The following EVI5 variants were observed in gnomAD, a reference collection of about 807,000 sequenced individuals.
The protein encoded by EVI5 is ecotropic viral integration site 5 protein homolog.
A neutral mutation model predicts 112.0 loss-of-function variants in EVI5; 73 were observed. That is an observed-to-expected ratio of 0.65 (90% CI 0.54 to 0.79). EVI5 has a LOEUF of 0.79. Among genes scored for constraint, EVI5 ranks in the 30% least tolerant of loss-of-function variants. The pLI is 0.00. For missense variants in EVI5, 900 were observed against 968.8 expected, an observed-to-expected ratio of 0.93 and a Z score of 0.94; for synonymous variants, 305 against 319.9, an observed-to-expected ratio of 0.95 and a Z score of 0.50.
At chr1:92,777,232 C>T (rs1040117584) in intron 1 of EVI5, among the ~76,000 whole-genome samples, 1 of 152,222 alleles carries the variant, frequency 6.6e-6, no homozygotes, top group African/African-American at 2.4e-5. Context: ...GCCACCACCA[C>T]GCCCGGCCCA....
At chr1:92,741,510 T>C (rs1208216679) in intron 1 of EVI5, among the ~76,000 whole-genome samples, 1 of 152,302 alleles carries the variant, frequency 6.6e-6, no homozygotes, top group East Asian at 1.9e-4. Flanking sequence ...AGGATATTAT[T>C]ACATAACAAA....
At position 92,749,774 on chromosome 1, in the gene EVI5, G is replaced by A. The variant is rs187714774; in HGVS notation, c.-81-13147C>T. ...AAATAATGTACTTTGCCAAGCATTC[G>A]AAGAGTCACTAAAATGTAGATCCAA... On this transcript the variant is annotated intron_variant, in intron 1 of 19. Coordinates refer to ENST00000684568, the MANE Select transcript of EVI5 (RefSeq NM_001350197.2). 9.9e-4 allele frequency among the ~76,000 whole-genome samples: 151 copies of A among 152,198 alleles called. 1 individual carries two copies. In the South Asian group the frequency reaches 0.017, roughly 17 times the overall value.
At chr1:92,607,437 A>AAACAAGTTTC in intron 17 of EVI5, 144 bp downstream of exon 17, 2 of 553,336 alleles carry the variant, frequency 3.6e-6, no homozygotes, top group Non-Finnish European at 5.9e-6. Context: ...TCTGAAAGCA[A>AAACAAGTTTC]CTACCAAAAC....
intron 2 of EVI5, among the ~76,000 whole-genome samples, chr1:92,705,408 C>T (rs769966505): frequency 9.2e-5 from 14 of 152,164 alleles, no homozygotes; most frequent in Non-Finnish European, 1.8e-4. Context: ...TATTCCTGCA[C>T]AGTAAGAACA....
At chr1:92,554,276 T>C (rs1181092667) in intron 19 of EVI5, among the ~76,000 whole-genome samples, 2 of 152,234 alleles carry the variant, frequency 1.3e-5, no homozygotes, top group East Asian at 3.8e-4. Context: ...CAAATGCTTA[T>C]AGAACTCCTA....
chr1:92,736,073 A>G (rs747785446), intron 2 of EVI5, among the ~76,000 whole-genome samples: 3 of 151,686 alleles, frequency 2.0e-5, no homozygotes, highest in Non-Finnish European at 4.4e-5. Flanking sequence ...GGATTAAATT[A>G]TTTTATGCTT....
chr1:92,623,862 T>C (rs903556594), intron 16 of EVI5, among the ~76,000 whole-genome samples: 1 of 152,216 alleles, frequency 6.6e-6, no homozygotes, highest in Non-Finnish European at 1.5e-5. Context: ...ATGTTAAAAG[T>C]GTTGAGGTTG....
chr1:92,637,147 G>A (rs1389115496), intron 13 of EVI5, among the ~76,000 whole-genome samples: 1 of 152,140 alleles, frequency 6.6e-6, no homozygotes, highest in Non-Finnish European at 1.5e-5. Flanking sequence ...GGAGGCCGAG[G>A]CGGGTGGATC....
Position 92,703,932 on chromosome 1 carries a change from C to CAAA in EVI5, c.340-316_340-314dup, listed in dbSNP as rs57830016. On this transcript the variant is annotated intron_variant, in intron 3 of 19. Transcript: ENST00000684568. ...CCAACATTCAAAGGGCTGTTGAAGG[C>CAAA]AAAAAAAAAAAAAAAAAGGAAAATA... The CAAA allele has an allele frequency of 4.7e-3, 387 of 81,986 alleles. 42 individuals carry two copies. In the East Asian group the frequency reaches 0.098, roughly 21 times the overall value. 5.1% of individuals were successfully genotyped at this position (81,986 alleles called of 1,614,324 possible). A position where few individuals can be genotyped will look rare whatever the true frequency, so the allele number is the denominator to read the frequency against.
chr1:92,630,883 A>G (rs113128535), intron 14 of EVI5, among the ~76,000 whole-genome samples: 22 of 152,210 alleles, frequency 1.4e-4, no homozygotes, highest in Admixed American at 1.1e-3. Flanking sequence ...AGCTTTCTAT[A>G]TATGGCTAGC....
At chr1:92,625,991 A>AC in intron 14 of EVI5, 57 bp from the exon 15 acceptor site, 1 of 1,056,126 alleles carries the variant, frequency 9.5e-7, no homozygotes, top group Non-Finnish European at 1.5e-6. Flanking sequence ...AAAATACAGC[A>AC]CACACAACAG....
At chr1:92,722,482 C>A (rs907200862) in intron 2 of EVI5, among the ~76,000 whole-genome samples, 2 of 131,374 alleles carry the variant, frequency 1.5e-5, no homozygotes, top group African/African-American at 5.7e-5. Flanking sequence ...CACCCCACAA[C>A]CGTCCCCAGT....
At chr1:92,536,841 A>C (rs1260017734) in intron 19 of EVI5, among the ~76,000 whole-genome samples, 3 of 152,180 alleles carry the variant, frequency 2.0e-5, no homozygotes, top group Non-Finnish European at 4.4e-5. Flanking sequence ...TGGTAACTTA[A>C]AAAATTACAG....
At chr1:92,538,927 T>A (rs1194713816) in intron 19 of EVI5, among the ~76,000 whole-genome samples, 1 of 152,160 alleles carries the variant, frequency 6.6e-6, no homozygotes, top group Non-Finnish European at 1.5e-5. Flanking sequence ...GAAAGAAAGC[T>A]GGGGCTAAAC....
rs1184172805 is a variant in EVI5 at position 92,569,852 on chromosome 1, CAAAAAAAAAA to C, written c.2071-6125_2071-6116del. Among the ~76,000 whole-genome samples, 96 of 39,510 alleles carry C rather than the reference CAAAAAAAAAA, an allele frequency of 2.4e-3. 1 individual carries two copies. Among genetic ancestry groups the C allele is most frequent in the African/African-American group, 0.01 (93 of 9,220 alleles). 25.9% of individuals were successfully genotyped at this position (39,510 alleles called of 152,430 possible). On this transcript the variant is annotated intron_variant, in intron 18 of 19. Transcript: ENST00000684568. Reference sequence around the variant, plus strand: ...CTGGCGATGGAGGGAGACTCCATCTCAAAAAAAAAAAAAAAAAAAAAAAAAGAAATATTTC... The same window carrying C: ...CTGGCGATGGAGGGAGACTCCATCTCAAAAAAAAAAAAAAAGAAATATTTC...
At chr1:92,643,231 CTTAT>C (rs1207728459) in intron 13 of EVI5, among the ~76,000 whole-genome samples, 1 of 149,818 alleles carries the variant, frequency 6.7e-6, no homozygotes, top group Non-Finnish European at 1.5e-5. Flanking sequence ...TGATCTTATA[CTTAT>C]TTACTTAATT....
intron 2 of EVI5, among the ~76,000 whole-genome samples, chr1:92,735,845 A>G (rs1677335701): frequency 6.9e-6 from 1 of 144,784 alleles, no homozygotes; most frequent in South Asian, 2.1e-4. Flanking sequence ...ATTATAATAT[A>G]TATTATATAT....
intron 16 of EVI5, among the ~76,000 whole-genome samples, chr1:92,614,164 G>C (rs966869184): frequency 3.3e-5 from 5 of 152,090 alleles, no homozygotes; most frequent in Non-Finnish European, 7.4e-5. Context: ...CCCATCTCTG[G>C]ACTATATTAA....
chr1:92,576,556 T>A (rs1671117902), intron 18 of EVI5, among the ~76,000 whole-genome samples: 1 of 151,864 alleles, frequency 6.6e-6, no homozygotes, highest in Admixed American at 6.6e-5. Context: ...AGGGGTAGAG[T>A]AAAAAGGTCA....
Sources: gnomAD v4.1 joint callset for allele counts (sites outside exome capture counted in the v4.1 genomes callset) on GRCh38, gnomAD v4.1.1 for gene constraint, MANE v1.5 for transcripts, NCBI Gene and HGNC (gene_info 2026-07-23, HGNC 2026-07-21) for gene names.